RIMS1: variants seen among roughly 807,000 people sequenced by gnomAD.
RIMS1 encodes regulating synaptic membrane exocytosis 1.
In RIMS1, 83 loss-of-function variants were observed where a neutral mutation model predicts 214.1. That is an observed-to-expected ratio of 0.39 (90% confidence interval 0.32 to 0.47). The LOEUF is 0.47. RIMS1 is among the 20% of genes least tolerant of loss of function. The pLI is 0.99. For missense variants in RIMS1, 2,050 were observed against 2,161.8 expected, an observed-to-expected ratio of 0.95 and a Z score of 1.03; for synonymous variants, 793 against 786.8, an observed-to-expected ratio of 1.01 and a Z score of -0.13.
At chr6:71,997,324 C>T (rs1411302218) in intron 2 of RIMS1, among the ~76,000 whole-genome samples, 2 of 152,052 alleles carry the variant, frequency 1.3e-5, no homozygotes, top group African/African-American at 2.4e-5. Context: ...TAACTATATG[C>T]AGCAAGGTTT....
At chr6:72,040,468 T>C (rs1821138203) in intron 2 of RIMS1, among the ~76,000 whole-genome samples, 2 of 152,030 alleles carry the variant, frequency 1.3e-5, no homozygotes, top group Non-Finnish European at 2.9e-5. Context: ...AGAAACACTA[T>C]GCCCTGAGAG....
At chr6:72,246,621 A>C (rs534700411) in intron 11 of RIMS1, among the ~76,000 whole-genome samples, 3 of 152,288 alleles carry the variant, frequency 2.0e-5, no homozygotes, top group African/African-American at 4.8e-5. Context: ...AGGGAGAAGA[A>C]AATATGAAAG....
chr6:72,283,598 A>G (rs1039516301), intron 23 of RIMS1, among the ~76,000 whole-genome samples: 6 of 152,174 alleles, frequency 3.9e-5, no homozygotes, highest in Non-Finnish European at 8.8e-5. Flanking sequence ...CAAATCAAAA[A>G]AAATCTTTGT....
At chr6:72,381,413 A>G (rs1018893077) in intron 29 of RIMS1, among the ~76,000 whole-genome samples, 1 of 152,242 alleles carries the variant, frequency 6.6e-6, no homozygotes, top group African/African-American at 2.4e-5. Context: ...AACACTAGAA[A>G]TACTTTGGAA....
At chr6:72,295,886 G>C (rs1354140764) in intron 26 of RIMS1, 1 of 293,714 alleles carries the variant, frequency 3.4e-6, no homozygotes, top group African/African-American at 2.3e-5. Flanking sequence ...CTATAAATTT[G>C]CTGATTTCTT....
At chr6:71,965,333 A>C (rs547317836) in intron 1 of RIMS1, among the ~76,000 whole-genome samples, 1 of 152,314 alleles carries the variant, frequency 6.6e-6, no homozygotes, top group East Asian at 1.9e-4. Context: ...TAGTGATTGC[A>C]GGCACCAAAA....
At chr6:72,136,542 C>T (rs2041308731) in intron 4 of RIMS1, among the ~76,000 whole-genome samples, 1 of 151,946 alleles carries the variant, frequency 6.6e-6, no homozygotes, top group Non-Finnish European at 1.5e-5. Context: ...TTTTTGAAAT[C>T]GAGAATTCTG....
intron 23 of RIMS1, among the ~76,000 whole-genome samples, chr6:72,277,530 C>T (rs1309062177): frequency 2.0e-5 from 3 of 150,916 alleles, no homozygotes; most frequent in Non-Finnish European, 2.9e-5. Flanking sequence ...TGCAGTGAGC[C>T]GACATCGCGC....
At chr6:72,231,271 T>C (rs1225310958) in intron 6 of RIMS1, among the ~76,000 whole-genome samples, 1 of 151,608 alleles carries the variant, frequency 6.6e-6, no homozygotes, top group East Asian at 1.9e-4. Context: ...TACAACTAAG[T>C]ATTTAGATTT....
intron 1 of RIMS1, among the ~76,000 whole-genome samples, chr6:71,935,059 G>T (rs376517150): frequency 6.6e-6 from 1 of 152,166 alleles, no homozygotes; most frequent in East Asian, 1.9e-4. Context: ...CAGTTTGAGT[G>T]GGGAAAAAAT....
intron 16 of RIMS1, 61 bp from the exon 17 acceptor site, chr6:72,258,064 T>C: frequency 7.1e-7 from 1 of 1,405,198 alleles, no homozygotes; most frequent in Non-Finnish European, 9.9e-7. Flanking sequence ...TATATTCCTG[T>C]GTTAATGTTT....
chr6:71,984,805 C>T (rs999754230), intron 2 of RIMS1, among the ~76,000 whole-genome samples: 1 of 147,466 alleles, frequency 6.8e-6, no homozygotes, highest in African/African-American at 2.5e-5. Flanking sequence ...ATCTATCTAT[C>T]TATCTATCTA....
At chr6:72,285,353 G>A (rs1591948257) in intron 24 of RIMS1, among the ~76,000 whole-genome samples, 2 of 152,178 alleles carry the variant, frequency 1.3e-5, no homozygotes, top group African/African-American at 4.8e-5. Flanking sequence ...ACAATTCAGT[G>A]ATTCATTCAG....
At chr6:71,948,891 T>A (rs375919135) in intron 1 of RIMS1, among the ~76,000 whole-genome samples, 1 of 152,168 alleles carries the variant, frequency 6.6e-6, no homozygotes, top group East Asian at 1.9e-4. Context: ...TATCCCCTTA[T>A]GTTTTCAGTC....
intron 15 of RIMS1, 37 bp downstream of exon 15, chr6:72,251,405 A>G: frequency 6.9e-7 from 1 of 1,451,020 alleles, no homozygotes; most frequent in East Asian, 2.4e-5. Flanking sequence ...CAAAGTAATT[A>G]TGCTGTAATG....
intron 6 of RIMS1, among the ~76,000 whole-genome samples, chr6:72,215,728 G>A (rs1025613971): frequency 6.6e-6 from 1 of 151,970 alleles, no homozygotes; most frequent in African/African-American, 2.4e-5. Context: ...GCGGAAGTTT[G>A]GGAAAAGAAA....
At chr6:72,334,486 A>G (rs1263633234) in intron 29 of RIMS1, among the ~76,000 whole-genome samples, 6 of 151,902 alleles carry the variant, frequency 3.9e-5, no homozygotes, top group African/African-American at 1.4e-4. Flanking sequence ...GAGAGTGGCT[A>G]TTTTTGTATT....
At chr6:72,251,407 G>T (rs2073241053) in intron 15 of RIMS1, 39 bp downstream of exon 15, 1 of 1,439,200 alleles carries the variant, frequency 6.9e-7, no homozygotes. Context: ...AAGTAATTAT[G>T]CTGTAATGAT....
At chr6:71,894,640 A>G (rs1771078164) in intron 1 of RIMS1, among the ~76,000 whole-genome samples, 1 of 152,214 alleles carries the variant, frequency 6.6e-6, no homozygotes, top group East Asian at 1.9e-4. Flanking sequence ...TACCAAAGAC[A>G]TCTTTAATGT....
Sources: gnomAD v4.1 joint callset for allele counts (sites outside exome capture counted in the v4.1 genomes callset) on GRCh38, gnomAD v4.1.1 for gene constraint, MANE v1.5 for transcripts, NCBI Gene and HGNC (gene_info 2026-07-23, HGNC 2026-07-21) for gene names.